Variants in METTL6 observed in about 807,000 individuals in gnomAD.
The protein encoded by METTL6 is methyltransferase 6, tRNA N3-cytidine.
In METTL6, 22 loss-of-function variants were observed where a neutral mutation model predicts 26.4. The observed-to-expected ratio is 0.83, with a 90% CI of 0.59 to 1.19. The LOEUF (loss-of-function observed/expected upper bound fraction) is 1.19, where lower values mean the gene tolerates loss of function less well. Among genes scored for constraint, METTL6 ranks in the 50% most tolerant of loss-of-function variants. The pLI is 0.00. For synonymous variants in METTL6, 109 were observed against 116.2 expected, an observed-to-expected ratio of 0.94 and a Z score of 0.40; for missense variants, 304 against 324.8, an observed-to-expected ratio of 0.94 and a Z score of 0.49.
Position 15,425,079 on chromosome 3 carries a change from T to C in METTL6, c.236A>G (p.Gln79Arg). 1.9e-6 allele frequency: 3 copies of C among 1,614,106 alleles called. No homozygotes were observed. Among genetic ancestry groups the C allele is most frequent in the South Asian group, 2.2e-5 (2 of 91,078 alleles). Residue 79 changes from glutamine (Q) to arginine (R), a missense_variant, in exon 3 of 6, where the codon CAA becomes CGA. By Grantham distance (43) the Gln-to-Arg change is conservative (BLOSUM62 1). Transcript: ENST00000383790. ...GCCAGCTTCAAGCATTGTTAACTTT[T>C]GATCTTCAAACTGGGGAAAGACAGC... ...ELRSCREFED[Q>R]KLTMLEAGCG... is the part of the protein sequence containing the mutation.
downstream of METTL6, among the ~76,000 whole-genome samples, chr3:15,406,629 T>TATAG (rs1559485748): frequency 9.7e-5 from 2 of 20,712 alleles, no homozygotes; most frequent in Non-Finnish European, 1.6e-4. Context: ...TATATATATA[T>TATAG]AGAGAGAGAG....
downstream of METTL6, among the ~76,000 whole-genome samples, chr3:15,406,655 G>GAA (rs1699809681): frequency 6.9e-6 from 1 of 144,024 alleles, no homozygotes; most frequent in Non-Finnish European, 1.5e-5. Context: ...GAGAGAGAGA[G>GAA]AGAGAGAGAG....
chr3:15,412,693 T>C (rs532532074), intron 5 of METTL6, among the ~76,000 whole-genome samples: 2 of 152,080 alleles, frequency 1.3e-5, no homozygotes, highest in African/African-American at 4.8e-5. Flanking sequence ...AGTTTCACGG[T>C]TGCCCAGGCT....
chr3:15,415,168 G>A (rs761270280), intron 4 of METTL6, among the ~76,000 whole-genome samples: 2 of 152,122 alleles, frequency 1.3e-5, no homozygotes, highest in African/African-American at 4.8e-5. Context: ...GCTCAATCAC[G>A]GTGCTAATGA....
chr3:15,389,260 C>T (rs1167651294), intron 6 of METTL6, among the ~76,000 whole-genome samples: 1 of 151,910 alleles, frequency 6.6e-6, no homozygotes. Flanking sequence ...CCCCAAAGTG[C>T]TCTTTGGAAA....
chr3:15,399,517 A>AAGAG (rs1162579753), intron 6 of METTL6: 1 of 145,596 alleles, frequency 6.9e-6, no homozygotes, highest in African/African-American at 2.6e-5. Flanking sequence ...CAGAAAGAAA[A>AAGAG]AGAGAGAGAG....
Position 15,411,319 on chromosome 3 carries a change from G to C in METTL6, c.792C>G (p.Ser264Arg). The change falls in exon 6 of 6, where the codon AGC becomes AGG. Residue 264 changes from serine (S) to arginine (R), a missense_variant. Transcript: ENST00000383790. ...GLCVPRVFLQ[S>R]KFLKPPKNPS... is the part of the protein sequence containing the mutation. ...GGTTCTTAGGAGGCTTTAGAAATTT[G>C]CTCTGAAGGAAAACTCTTGGCACAC... 1.2e-6 allele frequency: 2 copies of C among 1,614,194 alleles called. No individual in the cohort carries two copies. Among genetic ancestry groups the C allele is most frequent in the African/African-American group, 2.7e-5 (2 of 75,048 alleles).
At chr3:15,403,708 A>C (rs939501273) in intron 6 of METTL6, among the ~76,000 whole-genome samples, 83 of 152,198 alleles carry the variant, frequency 5.5e-4, no homozygotes, top group African/African-American at 1.9e-3. Flanking sequence ...GGGTTCTTGG[A>C]TCTAGCAAAA....
Position 15,427,453 on chromosome 3 carries a change from A to G in METTL6, c.-176T>C. 1 of 355,074 alleles carries G rather than the reference A, an allele frequency of 2.8e-6. No individual in the cohort carries two copies. Among genetic ancestry groups the G allele is most frequent in the Non-Finnish European group, 5.3e-6 (1 of 189,962 alleles). The allele number at this position is 355,074 out of a possible 1,614,324, so 22.0% of individuals were successfully genotyped here. A position where few individuals can be genotyped will look rare whatever the true frequency, so the allele number is the denominator to read the frequency against. On this transcript the variant is annotated 5_prime_UTR_variant, in exon 1 of 6. Transcript: ENST00000383790. ...GAGGCAGAATACGGGAAGAACCGCG[A>G]AACAACCCTAAACCAATTCTGAGGA...
chr3:15,385,715 C>A (rs7611144), intron 6 of METTL6, among the ~76,000 whole-genome samples: 3,048 of 152,148 alleles, frequency 0.02, 86 homozygotes, highest in African/African-American at 0.067. Flanking sequence ...AAACAAAAAC[C>A]AAAAAATCCA....
rs1559488937 is a variant in METTL6 at position 15,411,402 on chromosome 3, C to T, written c.709G>A (p.Glu237Lys). 6.2e-7 allele frequency: 1 copy of T among 1,614,160 alleles called. No individual in the cohort carries two copies. The highest frequency in any genetic ancestry group is 1.1e-5 in the South Asian group (1 of 91,082). ...AACACATACTCGTTTACCACTTCTT[C>T]ATAACCTGTGTCCATAAAGAGCTGA... ...LAQLFMDTGY[E>K]EVVNEYVFRE... Residue 237 changes from glutamate (E) to lysine (K), a missense_variant, in exon 6 of 6, where the codon GAA becomes AAA. By Grantham distance (56) the Glu-to-Lys change is moderately conservative (BLOSUM62 1). Transcript: ENST00000383790.
At chr3:15,383,429 G>A (rs972356400) in exon 7 of METTL6, 1 of 150,358 alleles carries the variant, frequency 6.7e-6, no homozygotes, top group African/African-American at 2.5e-5. Flanking sequence ...TTAGAGACAG[G>A]GTATTGCTAT....
chr3:15,384,274 T>G, intron 6 of METTL6: 1 of 275,898 alleles, frequency 3.6e-6, no homozygotes, highest in South Asian at 3.0e-5. Context: ...CAACTCCACC[T>G]CATGTGCTCA....
intron 6 of METTL6, among the ~76,000 whole-genome samples, chr3:15,395,393 C>T (rs1699459235): frequency 6.6e-6 from 1 of 152,180 alleles, no homozygotes; most frequent in Non-Finnish European, 1.5e-5. Context: ...CTATGTGCAT[C>T]TTTGCATGTG....
At chr3:15,424,927 C>T (rs1422661809) in intron 3 of METTL6, 28 bp downstream of exon 3, 1 of 1,612,292 alleles carries the variant, frequency 6.2e-7, no homozygotes, top group Admixed American at 1.7e-5. Flanking sequence ...AACAGAAACA[C>T]AGCAGAATAC....
At chr3:15,416,587 A>G (rs1290679518) in intron 3 of METTL6, among the ~76,000 whole-genome samples, 2 of 152,110 alleles carry the variant, frequency 1.3e-5, no homozygotes, top group Non-Finnish European at 2.9e-5. Flanking sequence ...CCTTTGAATC[A>G]TCTGCTTAAA....
chr3:15,390,957 G>A (rs1484967500), intron 6 of METTL6, among the ~76,000 whole-genome samples: 2 of 152,102 alleles, frequency 1.3e-5, no homozygotes, highest in African/African-American at 4.8e-5. Flanking sequence ...TTTACTGGGC[G>A]ATCAAAGTGG....
chr3:15,390,587 G>C (rs115771280), intron 6 of METTL6, among the ~76,000 whole-genome samples: 284 of 152,324 alleles, frequency 1.9e-3, no homozygotes, highest in African/African-American at 6.5e-3. Flanking sequence ...GAGTGAGTGA[G>C]TGCAGGAACT....
chr3:15,403,654 T>A (rs532804536), intron 6 of METTL6, among the ~76,000 whole-genome samples: 1 of 152,308 alleles, frequency 6.6e-6, no homozygotes, highest in African/African-American at 2.4e-5. Flanking sequence ...TTCTAGCACA[T>A]GCGCATGTTA....
Sources: allele counts gnomAD v4.1 joint callset (sites outside exome capture counted in the v4.1 genomes callset), GRCh38; gene constraint gnomAD v4.1.1; transcripts MANE v1.5; gene names NCBI Gene and HGNC (gene_info 2026-07-23, HGNC 2026-07-21).